The following RANBP9 variants were observed in gnomAD, a reference collection of about 807,000 sequenced individuals.
RANBP9 encodes the protein RAN binding protein 9.
Under a neutral mutation model 84.3 loss-of-function variants are expected in RANBP9, and 15 were observed. That is an observed-to-expected ratio of 0.18 (90% confidence interval 0.12 to 0.27). RANBP9 has a LOEUF of 0.27. RANBP9 is among the 10% of genes least tolerant of loss of function. RANBP9 has a pLI of 1.00. For synonymous variants in RANBP9, 392 were observed against 349.6 expected (o/e 1.12, Z -1.35); for missense variants, 809 against 912.8 (o/e 0.89, Z 1.46).
rs1285139825 is a variant in RANBP9 at position 13,632,503 on chromosome 6, A to G, written c.1814T>C (p.Leu605Ser). ...DTEMEVDSSQ[L>S]RRQLCGGSQA... is the part of the protein sequence containing the mutation. The stretch of plus-strand genomic sequence containing the variant: ...ACTTCCTCCACACAACTGGCGTCTC[A>G]ACTGACTTGAATCAACTTCTGTAAG... Residue 605 changes from leucine to serine, a missense_variant, in exon 12 of 14, where the codon TTG becomes TCG. Leu to Ser is a moderately radical substitution (Grantham distance 145). Around this residue, in one of 5 missense-constraint regions of RANBP9, gnomAD observed 233 missense variants for 234.4 expected, o/e 0.99. Coordinates refer to ENST00000011619, the MANE Select transcript of RANBP9 (RefSeq NM_005493.3). 6.2e-7 allele frequency: 1 copy of G among 1,613,496 alleles called. No individual in the cohort carries two copies. Among genetic ancestry groups the G allele is most frequent in the East Asian group, 2.2e-5 (1 of 44,878 alleles).
At chr6:13,693,907 G>A (rs1197317719) in intron 2 of RANBP9, among the ~76,000 whole-genome samples, 1 of 152,042 alleles carries the variant, frequency 6.6e-6, no homozygotes, top group Non-Finnish European at 1.5e-5. Flanking sequence ...GCCAGGTGTG[G>A]TGGTGGGCGC....
chr6:13,696,423 T>C (rs1422892540), intron 2 of RANBP9, among the ~76,000 whole-genome samples: 1 of 152,184 alleles, frequency 6.6e-6, no homozygotes, highest in Non-Finnish European at 1.5e-5. Flanking sequence ...GTAAAATACC[T>C]ATGAATCACC....
At chr6:13,667,429 T>C (rs934721838) in intron 2 of RANBP9, among the ~76,000 whole-genome samples, 33 of 152,220 alleles carry the variant, frequency 2.2e-4, no homozygotes, top group Non-Finnish European at 8.8e-5. Context: ...ATTAAGTTAG[T>C]ATATGTATCA....
chr6:13,701,883 C>G (rs1561696291), intron 1 of RANBP9, among the ~76,000 whole-genome samples: 1 of 152,168 alleles, frequency 6.6e-6, no homozygotes, highest in Non-Finnish European at 1.5e-5. Flanking sequence ...TTCACCTCTT[C>G]CACTATTATC....
At chr6:13,661,364 AAAT>A (rs1765535345) in intron 2 of RANBP9, among the ~76,000 whole-genome samples, 1 of 152,198 alleles carries the variant, frequency 6.6e-6, no homozygotes, top group Non-Finnish European at 1.5e-5. Context: ...GTAAGAAAGA[AAAT>A]AAGCATAGAA....
At chr6:13,694,569 C>A (rs186229197) in intron 2 of RANBP9, among the ~76,000 whole-genome samples, 7 of 152,258 alleles carry the variant, frequency 4.6e-5, no homozygotes, top group African/African-American at 1.4e-4. Flanking sequence ...ATAAAGCAGT[C>A]CGCATTTATC....
chr6:13,663,767 T>A (rs1424933429), intron 2 of RANBP9, among the ~76,000 whole-genome samples: 1 of 152,056 alleles, frequency 6.6e-6, no homozygotes, highest in African/African-American at 2.4e-5. Context: ...TCAAAACCAA[T>A]CAATGTATTT....
intron 1 of RANBP9, among the ~76,000 whole-genome samples, chr6:13,706,991 G>C (rs1336683595): frequency 7.5e-6 from 1 of 132,938 alleles, no homozygotes; most frequent in South Asian, 2.5e-4. Context: ...GGACGATAGA[G>C]CAAGACTCTG....
intron 3 of RANBP9, 97 bp from the exon 4 acceptor site, chr6:13,657,373 T>A: frequency 1.1e-6 from 1 of 940,976 alleles, no homozygotes; most frequent in Non-Finnish European, 1.5e-6. Flanking sequence ...CAGTACAAGA[T>A]AATATAAAGA....
rs150152578 is a variant in RANBP9, at chr6:13,672,815, C to G, written c.684-13983G>C. On this transcript the variant is annotated intron_variant, in intron 2 of 13. Transcript: ENST00000011619. ...ATGCTAGAAATAAAAAGCATTAACA[C>G]AAATAAAGAATGCCTTTGACGAGCA... Among the ~76,000 whole-genome samples, 505 of 150,960 alleles carry G rather than the reference C, an allele frequency of 3.3e-3. 2 individuals are homozygous for G. Among genetic ancestry groups the G allele is most frequent in the African/African-American group, 0.012 (491 of 41,092 alleles).
At chr6:13,631,616 T>C (rs11960990) in intron 12 of RANBP9, among the ~76,000 whole-genome samples, 4,419 of 152,216 alleles carry the variant, frequency 0.029, 201 homozygotes, top group African/African-American at 0.099. Context: ...ACCCAAACAT[T>C]AGTCTCAAGG....
At chr6:13,625,933 T>C (rs1023095221) in intron 12 of RANBP9, among the ~76,000 whole-genome samples, 169 bp from the exon 13 acceptor site, 1 of 152,216 alleles carries the variant, frequency 6.6e-6, no homozygotes, top group Non-Finnish European at 1.5e-5. Context: ...GAACATTAAA[T>C]TATGCAGCAA....
At chr6:13,646,435 A>C (rs1212898512) in intron 5 of RANBP9, among the ~76,000 whole-genome samples, 1 of 152,110 alleles carries the variant, frequency 6.6e-6, no homozygotes, top group Non-Finnish European at 1.5e-5. Flanking sequence ...GAAACAAAAC[A>C]AAACAAAAAA....
intron 8 of RANBP9, among the ~76,000 whole-genome samples, chr6:13,640,070 T>G (rs1473207463): frequency 6.6e-6 from 1 of 152,194 alleles, no homozygotes. Context: ...AAATAACATT[T>G]GCGCTTGGTA....
At chr6:13,627,535 C>T (rs1027726114) in intron 12 of RANBP9, among the ~76,000 whole-genome samples, 6 of 146,626 alleles carry the variant, frequency 4.1e-5, no homozygotes, top group Non-Finnish European at 7.4e-5. Context: ...GAGGCTGAGG[C>T]AGGAGAATCA....
intron 2 of RANBP9, among the ~76,000 whole-genome samples, chr6:13,681,541 G>A (rs1216966049): frequency 1.3e-5 from 2 of 151,792 alleles, no homozygotes; most frequent in Non-Finnish European, 2.9e-5. Context: ...ATAGGTATTA[G>A]TATAAATGTA....
chr6:13,631,695 A>G (rs1163833976), intron 12 of RANBP9, among the ~76,000 whole-genome samples: 1 of 152,206 alleles, frequency 6.6e-6, no homozygotes, highest in African/African-American at 2.4e-5. Context: ...GTTTACAATG[A>G]ACCAACTGTT....
chr6:13,622,216 T>C lies in RANBP9; in HGVS notation c.*146A>G. ...CTAAGTTAGAAAATCATTTGCATCA[T>C]GCTGTAAACTAGGAAGCAATGTAAA... On this transcript the variant is annotated 3_prime_UTR_variant, in exon 14 of 14. Coordinates refer to ENST00000011619, the MANE Select transcript of RANBP9 (RefSeq NM_005493.3). The C allele has an allele frequency of 2.7e-6, 2 of 737,646 alleles. No homozygotes were observed. The highest frequency in any genetic ancestry group is 1.9e-6 in the Non-Finnish European group (1 of 524,602). The allele number at this position is 737,646 out of a possible 1,614,324, so 45.7% of individuals were successfully genotyped here. A position where few individuals can be genotyped will look rare whatever the true frequency, so the allele number is the denominator to read the frequency against.
At chr6:13,664,970 T>A (rs577577522) in intron 2 of RANBP9, among the ~76,000 whole-genome samples, 1 of 152,110 alleles carries the variant, frequency 6.6e-6, no homozygotes, top group South Asian at 2.1e-4. Context: ...ACATTTATAG[T>A]CATTTAATAT....
Sources: gnomAD v4.1 joint callset for allele counts (sites outside exome capture counted in the v4.1 genomes callset) on GRCh38, gnomAD v4.1.1 for gene constraint, gnomAD v4.1.1 regional missense constraint, MANE v1.5 for transcripts, NCBI Gene and HGNC (gene_info 2026-07-23, HGNC 2026-07-21) for gene names.